ECT2: variants seen among roughly 807,000 people sequenced by gnomAD.
ECT2 encodes epithelial cell transforming 2.
Under a neutral mutation model 116.9 loss-of-function variants are expected in ECT2, and 61 were observed. The observed-to-expected ratio is 0.52, with a 90% CI of 0.42 to 0.65. The LOEUF is 0.65. ECT2 is among the 30% of genes least tolerant of loss of function. ECT2 has a pLI of 0.00. For synonymous variants in ECT2, 358 were observed against 346.4 expected (o/e 1.03, Z -0.37); for missense variants, 937 against 1,078.7 (o/e 0.87, Z 1.84).
At chr3:172,811,919 A>G (rs1462213801) in intron 22 of ECT2, among the ~76,000 whole-genome samples, 3 of 151,892 alleles carry the variant, frequency 2.0e-5, no homozygotes, top group Non-Finnish European at 2.9e-5. Context: ...TTCTAGGGGT[A>G]TGACTTTTGA....
chr3:172,802,144 C>T (rs895721784), intron 18 of ECT2, among the ~76,000 whole-genome samples: 1 of 150,346 alleles, frequency 6.7e-6, no homozygotes, highest in Non-Finnish European at 1.5e-5. Context: ...GATGGAGTTT[C>T]ACTCTTGTTG....
rs774087962 is a variant in ECT2, at chr3:172,757,017, T to C, written c.338T>C (p.Val113Ala). The change falls in exon 5 of 25, where the codon GTG becomes GCG. Residue 113 changes from valine (V) to alanine (A), a missense_variant. Physicochemically the swap from Val to Ala is moderately conservative, Grantham distance 64. Transcript: ENST00000392692. ...IKVGFVKMES[V>A]EEFEGLDSPE... ...GTGGGCTTTGTAAAGATGGAGTCAG[T>C]GGAAGAATTTGAAGGTTTGGATTCT... 58 of 1,608,558 alleles carry C rather than the reference T, an allele frequency of 3.6e-5. No individual in the cohort carries two copies. Among genetic ancestry groups the C allele is most frequent in the Non-Finnish European group, 3.5e-5 (41 of 1,178,536 alleles).
intron 18 of ECT2, among the ~76,000 whole-genome samples, chr3:172,798,377 T>C (rs978224920): frequency 6.6e-6 from 1 of 152,172 alleles, no homozygotes; most frequent in Admixed American, 6.5e-5. Flanking sequence ...AATTCTTCCC[T>C]AAAAACATAA....
intron 12 of ECT2, among the ~76,000 whole-genome samples, chr3:172,766,690 T>A (rs770706825): frequency 6.6e-5 from 10 of 152,198 alleles, no homozygotes; most frequent in Non-Finnish European, 1.3e-4. Context: ...GAAATTTATA[T>A]TTTGGAGGGA....
At chr3:172,790,175 G>A (rs559950699) in intron 18 of ECT2, among the ~76,000 whole-genome samples, 8 of 152,218 alleles carry the variant, frequency 5.3e-5, no homozygotes, top group Non-Finnish European at 8.8e-5. Flanking sequence ...TCACCTGCCC[G>A]ACATATGGTC....
At chr3:172,810,457 A>G (rs1339527591) in intron 22 of ECT2, among the ~76,000 whole-genome samples, 2 of 152,200 alleles carry the variant, frequency 1.3e-5, no homozygotes, top group African/African-American at 4.8e-5. Flanking sequence ...TTGTATGCCA[A>G]TAATATTTAT....
chr3:172,792,799 C>T (rs1389143885), intron 18 of ECT2, among the ~76,000 whole-genome samples: 2 of 152,012 alleles, frequency 1.3e-5, no homozygotes. Flanking sequence ...CTCACTATAA[C>T]CTCCACCTCC....
downstream of ECT2, among the ~76,000 whole-genome samples, chr3:172,823,303 C>CT (rs1375770540): frequency 6.9e-5 from 10 of 144,088 alleles, no homozygotes; most frequent in African/African-American, 2.9e-4. Context: ...ACTCCAGTCT[C>CT]TAAAAACAAC....
At chr3:172,818,550 T>TGGA (rs1310000056) in intron 24 of ECT2, 4 of 1,272,280 alleles carry the variant, frequency 3.1e-6, no homozygotes, top group Non-Finnish European at 4.1e-6. Context: ...TCTAACAGAT[T>TGGA]ACCCATTCTG....
chr3:172,810,272 A>G (rs750633634), intron 22 of ECT2, among the ~76,000 whole-genome samples: 1 of 152,114 alleles, frequency 6.6e-6, no homozygotes, highest in Non-Finnish European at 1.5e-5. Flanking sequence ...CGCTACCTTT[A>G]TATTTCTTTT....
At chr3:172,806,650 G>GTT (rs1727789249) in intron 21 of ECT2, among the ~76,000 whole-genome samples, 1 of 96,038 alleles carries the variant, frequency 1.0e-5, no homozygotes, top group African/African-American at 3.8e-5. Context: ...GTTTTTTGTG[G>GTT]GTTTTTTTTT....
chr3:172,792,834 T>C (rs544668703), intron 18 of ECT2, among the ~76,000 whole-genome samples: 2 of 152,112 alleles, frequency 1.3e-5, no homozygotes, highest in African/African-American at 4.8e-5. Flanking sequence ...CATCCCACCT[T>C]AGCCTTTTGA....
intron 17 of ECT2, 100 bp downstream of exon 17, chr3:172,784,903 T>C: frequency 1.3e-6 from 1 of 757,946 alleles, no homozygotes; most frequent in Admixed American, 2.6e-5. Context: ...TTCTTAGATT[T>C]CAGCATTAAA....
chr3:172,763,763 T>G (rs1718790499), intron 11 of ECT2, among the ~76,000 whole-genome samples: 2 of 152,362 alleles, frequency 1.3e-5, no homozygotes, highest in South Asian at 4.1e-4. Flanking sequence ...TTAATAACTT[T>G]GTGTGGAATA....
intron 18 of ECT2, among the ~76,000 whole-genome samples, chr3:172,796,769 C>T (rs1725722847): frequency 6.6e-6 from 1 of 151,844 alleles, no homozygotes; most frequent in Admixed American, 6.6e-5. Context: ...CAGGTTCCAG[C>T]GATTCTCCTG....
intron 4 of ECT2, among the ~76,000 whole-genome samples, 166 bp downstream of exon 4, chr3:172,755,741 T>A (rs1716865655): frequency 6.6e-6 from 1 of 152,224 alleles, no homozygotes; most frequent in Admixed American, 6.5e-5. Flanking sequence ...TTTTTTCTCA[T>A]TCATTTTATA....
At chr3:172,778,087 G>C (rs570755227) in intron 14 of ECT2, among the ~76,000 whole-genome samples, 1 of 152,132 alleles carries the variant, frequency 6.6e-6, no homozygotes, top group Non-Finnish European at 1.5e-5. Flanking sequence ...TTAATTCTGC[G>C]CTGTTTCTAC....
chr3:172,808,839 T>C (rs1728222601), intron 22 of ECT2, among the ~76,000 whole-genome samples: 1 of 152,180 alleles, frequency 6.6e-6, no homozygotes, highest in Non-Finnish European at 1.5e-5. Flanking sequence ...ATAAAGTAAG[T>C]ATTCATTGAT....
At chr3:172,797,143 C>T (rs1026408211) in intron 18 of ECT2, among the ~76,000 whole-genome samples, 1 of 151,794 alleles carries the variant, frequency 6.6e-6, no homozygotes, top group African/African-American at 2.4e-5. Flanking sequence ...GATCCTCCTA[C>T]CTCAGCCTCC....
Sources: allele counts gnomAD v4.1 joint callset (sites outside exome capture counted in the v4.1 genomes callset), GRCh38; gene constraint gnomAD v4.1.1; transcripts MANE v1.5; gene names NCBI Gene and HGNC (gene_info 2026-07-23, HGNC 2026-07-21).